CCSER1: variants seen among roughly 807,000 people sequenced by gnomAD.
CCSER1 encodes serine-rich coiled-coil domain-containing protein 1.
CCSER1 carries 41 observed loss-of-function variants against 82.0 expected under a neutral mutation model. That is an observed-to-expected ratio of 0.50 (90% CI 0.39 to 0.65). The LOEUF (loss-of-function observed/expected upper bound fraction) is 0.65. CCSER1 is among the 30% of genes least tolerant of loss of function. The pLI is 0.00. For synonymous variants in CCSER1, 414 were observed against 383.9 expected, an observed-to-expected ratio of 1.08 and a Z score of -0.92; for missense variants, 1,119 against 1,064.2, an observed-to-expected ratio of 1.05 and a Z score of -0.72.
intron 10 of CCSER1, among the ~76,000 whole-genome samples, chr4:91,369,260 C>T (rs1368192285): frequency 2.0e-5 from 3 of 152,176 alleles, no homozygotes; most frequent in Admixed American, 2.0e-4. Flanking sequence ...GGGATTGCTC[C>T]TTCAGCCTCG....
At chr4:91,369,273 G>A (rs1159817315) in intron 10 of CCSER1, among the ~76,000 whole-genome samples, 2 of 152,176 alleles carry the variant, frequency 1.3e-5, no homozygotes, top group African/African-American at 4.8e-5. Flanking sequence ...CAGCCTCGGC[G>A]ATGAAACAAG....
chr4:91,549,379 C>T (rs921442130), intron 10 of CCSER1, among the ~76,000 whole-genome samples: 22 of 151,978 alleles, frequency 1.4e-4, no homozygotes, highest in Non-Finnish European at 1.0e-4. Context: ...CTCATTCATT[C>T]TCTTCCAGCT....
At chr4:90,787,841 C>T (rs1020913053) in intron 7 of CCSER1, among the ~76,000 whole-genome samples, 6 of 152,122 alleles carry the variant, frequency 3.9e-5, no homozygotes, top group African/African-American at 4.8e-5. Context: ...AAAGTGGTGA[C>T]GCTTCCTAAA....
chr4:90,857,698 T>C (rs1764614969), intron 8 of CCSER1, among the ~76,000 whole-genome samples: 1 of 152,120 alleles, frequency 6.6e-6, no homozygotes, highest in South Asian at 2.1e-4. Flanking sequence ...TATATATTTT[T>C]CTTTATATTT....
chr4:90,534,835 C>A (rs1402236533), intron 5 of CCSER1, among the ~76,000 whole-genome samples: 1 of 152,142 alleles, frequency 6.6e-6, no homozygotes, highest in African/African-American at 2.4e-5. Flanking sequence ...ACTTAGATTT[C>A]TTCTCATCAG....
intron 3 of CCSER1, among the ~76,000 whole-genome samples, chr4:90,346,535 G>T (rs1229795112): frequency 6.6e-6 from 1 of 151,850 alleles, no homozygotes; most frequent in Non-Finnish European, 1.5e-5. Flanking sequence ...TCTTAACTTC[G>T]AATGCTTTCC....
At chr4:91,091,922 C>T (rs186379865) in intron 10 of CCSER1, among the ~76,000 whole-genome samples, 8 of 152,274 alleles carry the variant, frequency 5.3e-5, no homozygotes, top group African/African-American at 1.9e-4. Flanking sequence ...GGGTAATTTT[C>T]CCCAAGGCCT....
chr4:91,293,062 C>T (rs1743878819), intron 10 of CCSER1, among the ~76,000 whole-genome samples: 1 of 151,856 alleles, frequency 6.6e-6, no homozygotes, highest in Admixed American at 6.6e-5. Flanking sequence ...TTAGATAAGC[C>T]TGTCTATAAA....
chr4:91,187,278 TC>T (rs1465516903), intron 10 of CCSER1, among the ~76,000 whole-genome samples: 1 of 152,222 alleles, frequency 6.6e-6, no homozygotes, highest in Non-Finnish European at 1.5e-5. Flanking sequence ...TATTCGGCCA[TC>T]TTGGCACCTC....
intron 7 of CCSER1, among the ~76,000 whole-genome samples, chr4:90,793,030 A>G (rs1051826352): frequency 1.3e-5 from 2 of 152,198 alleles, no homozygotes; most frequent in African/African-American, 4.8e-5. Context: ...GGCAGCATTT[A>G]AAAAATAAAA....
intron 4 of CCSER1, among the ~76,000 whole-genome samples, chr4:90,461,089 G>A (rs1168589059): frequency 3.4e-5 from 3 of 88,836 alleles, no homozygotes; most frequent in South Asian, 3.7e-4. Flanking sequence ...TTTTTGAGAC[G>A]GAGTCTCGCT....
chr4:90,763,098 C>T (rs1750648973), intron 7 of CCSER1, among the ~76,000 whole-genome samples: 1 of 152,042 alleles, frequency 6.6e-6, no homozygotes, highest in African/African-American at 2.4e-5. Context: ...AAAGCAGCAG[C>T]TGATTTCTGT....
chr4:90,842,972 G>A (rs1762759861), intron 8 of CCSER1, among the ~76,000 whole-genome samples: 1 of 152,118 alleles, frequency 6.6e-6, no homozygotes, highest in Non-Finnish European at 1.5e-5. Flanking sequence ...TTGCTTTTAG[G>A]TTGGCAGAGC....
intron 10 of CCSER1, among the ~76,000 whole-genome samples, chr4:91,193,228 C>A (rs747875084): frequency 5.9e-5 from 9 of 152,066 alleles, no homozygotes; most frequent in Non-Finnish European, 1.3e-4. Flanking sequence ...TCCTTGCTGC[C>A]CTATCTTTGC....
At chr4:90,928,260 TTGTTTAAAAACATCTATCA>T (rs534391694) in intron 9 of CCSER1, among the ~76,000 whole-genome samples, 1,929 of 152,208 alleles carry the variant, frequency 0.013, 39 homozygotes, top group African/African-American at 0.043. Context: ...GATAAGAACA[TTGTTTAAAAACATCTATCA>T]TGTTTAAAAA....
chr4:90,830,229 A>T (rs1433364343), intron 8 of CCSER1, among the ~76,000 whole-genome samples: 1 of 152,172 alleles, frequency 6.6e-6, no homozygotes, highest in African/African-American at 2.4e-5. Flanking sequence ...ACTATGTGTC[A>T]ATATTATGCT....
At chr4:91,039,212 C>CTTTTT in intron 9 of CCSER1, among the ~76,000 whole-genome samples, 1 of 145,668 alleles carries the variant, frequency 6.9e-6, no homozygotes, top group East Asian at 2.0e-4. Context: ...TTCTTTCTTT[C>CTTTTT]TTTTTTTTTT....
At chr4:90,156,966 C>A (rs548320698) in intron 1 of CCSER1, among the ~76,000 whole-genome samples, 3 of 152,112 alleles carry the variant, frequency 2.0e-5, no homozygotes, top group Admixed American at 1.3e-4. Flanking sequence ...TTCTTCCTAG[C>A]CTCGATGGTT....
intron 8 of CCSER1, among the ~76,000 whole-genome samples, chr4:90,840,396 G>A (rs1762436230): frequency 6.6e-6 from 1 of 152,160 alleles, no homozygotes; most frequent in Admixed American, 6.5e-5. Context: ...ATTGGTAGCA[G>A]TACTATTTAT....
Sources: allele counts gnomAD v4.1 joint callset (sites outside exome capture counted in the v4.1 genomes callset), GRCh38; gene constraint gnomAD v4.1.1; transcripts MANE v1.5; gene names NCBI Gene and HGNC (gene_info 2026-07-23, HGNC 2026-07-21).